The following MDGA2 variants were observed in gnomAD, a reference collection of about 807,000 sequenced individuals.
The protein encoded by MDGA2 is MAM domain containing glycosylphosphatidylinositol anchor 2.
A neutral mutation model predicts 117.8 loss-of-function variants in MDGA2; 40 were observed. That is an observed-to-expected ratio of 0.34 (90% CI 0.26 to 0.44). MDGA2 has a LOEUF of 0.44. Ranked by LOEUF, MDGA2 falls within the 20% of genes least tolerant of loss-of-function variation. The pLI is 1.00. For missense variants in MDGA2, 1,123 were observed against 1,250.6 expected, an observed-to-expected ratio of 0.90 and a Z score of 1.54; for synonymous variants, 452 against 439.0, an observed-to-expected ratio of 1.03 and a Z score of -0.37.
At chr14:46,906,547 C>T (rs1883500420) in intron 10 of MDGA2, among the ~76,000 whole-genome samples, 1 of 152,052 alleles carries the variant, frequency 6.6e-6, no homozygotes. Flanking sequence ...GATGATTATG[C>T]ACAAGTTCTG....
At chr14:47,463,860 C>T (rs1325918906) in intron 1 of MDGA2, among the ~76,000 whole-genome samples, 2 of 151,936 alleles carry the variant, frequency 1.3e-5, no homozygotes, top group African/African-American at 4.8e-5. Context: ...AAAGGTTCTT[C>T]TGATTACTCC....
At chr14:47,438,835 C>CA (rs986227854) in intron 1 of MDGA2, among the ~76,000 whole-genome samples, 1 of 151,610 alleles carries the variant, frequency 6.6e-6, no homozygotes, top group African/African-American at 2.4e-5. Flanking sequence ...GGATAAGAAA[C>CA]AAAAAAAAGT....
intron 3 of MDGA2, among the ~76,000 whole-genome samples, chr14:47,169,042 AATTT>A (rs1431103929): frequency 6.6e-6 from 1 of 152,046 alleles, no homozygotes; most frequent in East Asian, 1.9e-4. Flanking sequence ...AAATTTAATT[AATTT>A]ATTTATTTAG....
chr14:47,164,563 C>T (rs977746975), intron 3 of MDGA2, among the ~76,000 whole-genome samples: 1 of 152,188 alleles, frequency 6.6e-6, no homozygotes, highest in Non-Finnish European at 1.5e-5. Context: ...TACCATCTCA[C>T]ACCAGTTAGA....
chr14:47,545,106 A>G (rs1386262380), intron 1 of MDGA2, among the ~76,000 whole-genome samples: 1 of 152,216 alleles, frequency 6.6e-6, no homozygotes, highest in Non-Finnish European at 1.5e-5. Flanking sequence ...GCCTTCTATT[A>G]GTATTGTGAA....
At chr14:47,058,701 C>T in intron 7 of MDGA2, 4 of 985,290 alleles carry the variant, frequency 4.1e-6, no homozygotes, top group Non-Finnish European at 4.8e-6. Context: ...TAGTATTCCA[C>T]TCTATTGTAA....
chr14:47,528,727 T>C (rs1213945302), intron 1 of MDGA2, among the ~76,000 whole-genome samples: 4 of 152,218 alleles, frequency 2.6e-5, no homozygotes, highest in East Asian at 1.9e-4. Flanking sequence ...TTAGTTTTTT[T>C]AGACCAAATT....
chr14:47,217,154 G>A (rs1384194238), intron 3 of MDGA2, among the ~76,000 whole-genome samples: 1 of 151,950 alleles, frequency 6.6e-6, no homozygotes, highest in Non-Finnish European at 1.5e-5. Flanking sequence ...ATCCTGCAAT[G>A]AAAGAAAAGA....
intron 1 of MDGA2, among the ~76,000 whole-genome samples, chr14:47,409,197 C>T (rs1892321582): frequency 6.6e-6 from 1 of 152,182 alleles, no homozygotes; most frequent in Non-Finnish European, 1.5e-5. Flanking sequence ...GCCAATGTGG[C>T]TGCTGTATTG....
chr14:46,847,322 A>G (rs73250859), intron 15 of MDGA2, among the ~76,000 whole-genome samples: 5,547 of 152,222 alleles, frequency 0.036, 349 homozygotes, highest in African/African-American at 0.13. Flanking sequence ...TAAGATAAGC[A>G]TGTTCTTAAA....
chr14:46,922,623 C>A (rs1884176312), intron 9 of MDGA2, among the ~76,000 whole-genome samples: 1 of 152,164 alleles, frequency 6.6e-6, no homozygotes, highest in South Asian at 2.1e-4. Context: ...GACCAGGAAT[C>A]CAGACATTCT....
chr14:47,144,126 C>T lies in MDGA2; in HGVS notation c.744G>A (p.Leu248=). Residue 248 remains leucine (L), a synonymous_variant, in exon 4 of 17, where the codon CTG becomes CTA. Coordinates refer to ENST00000399232, the MANE Select transcript of MDGA2 (RefSeq NM_001113498.3). Reference sequence around the variant, plus strand: ...TCTCAACTCCTTTATCAGATCCTTGCAGCAAGACCTCCTGGCCACGTCTCC... The same window carrying T: ...TCTCAACTCCTTTATCAGATCCTTGTAGCAAGACCTCCTGGCCACGTCTCC... ...YSWRRGQEVL[L]QGSDKGVEIY... is the part of the protein sequence containing the mutation. 1.3e-6 allele frequency: 2 copies of T among 1,551,086 alleles called. No homozygotes were observed. Among genetic ancestry groups the T allele is most frequent in the African/African-American group, 1.4e-5 (1 of 73,116 alleles).
Position 47,540,540 on chromosome 14 carries a change from G to GTGTA in MDGA2, c.280+133976_280+133977insTACA. On this transcript the variant is annotated intron_variant, in intron 1 of 16. Transcript: ENST00000399232. ...TGTATATGTGTGTGTGTGTGTGTGT[G>GTGTA]TATATATATATATGTATATATATAC... 4.8e-4 allele frequency among the ~76,000 whole-genome samples: 38 copies of GTGTA among 79,216 alleles called. 1 individual carries two copies. Among genetic ancestry groups the GTGTA allele is most frequent in the Middle Eastern group, 6.3e-3 (1 of 160 alleles). The allele number at this position is 79,216 out of a possible 152,430, so 52.0% of individuals were successfully genotyped here.
intron 8 of MDGA2, among the ~76,000 whole-genome samples, chr14:46,966,527 TA>T (rs1405425755): frequency 6.6e-6 from 1 of 152,186 alleles, no homozygotes; most frequent in Non-Finnish European, 1.5e-5. Flanking sequence ...ACAACAAAAC[TA>T]CTAATTTAAA....
intron 10 of MDGA2, among the ~76,000 whole-genome samples, chr14:46,902,703 A>G (rs1595033421): frequency 1.3e-5 from 2 of 152,196 alleles, no homozygotes. Context: ...ATATATGGCC[A>G]TGATATTTTC....
At chr14:46,968,700 G>A (rs1886135168) in intron 8 of MDGA2, among the ~76,000 whole-genome samples, 1 of 151,570 alleles carries the variant, frequency 6.6e-6, no homozygotes, top group Non-Finnish European at 1.5e-5. Flanking sequence ...AGTTGGGTAT[G>A]GTGGTGTGTG....
At chr14:47,580,112 G>T (rs76080116) in intron 1 of MDGA2, among the ~76,000 whole-genome samples, 54 of 152,056 alleles carry the variant, frequency 3.6e-4, no homozygotes, top group African/African-American at 1.1e-3. Context: ...ACTCTCCAAA[G>T]CTCAAGTTTT....
At chr14:47,042,555 G>A (rs776901447) in intron 7 of MDGA2, among the ~76,000 whole-genome samples, 12 of 152,082 alleles carry the variant, frequency 7.9e-5, no homozygotes, top group Non-Finnish European at 1.6e-4. Flanking sequence ...TCTCTTCTTT[G>A]CTAGCACATT....
chr14:47,583,025 G>A lies in MDGA2; in HGVS notation c.280+91492C>T, dbSNP rs752999052. Among the ~76,000 whole-genome samples, 61 of 151,868 alleles carry A rather than the reference G, an allele frequency of 4.0e-4. No individual in the cohort carries two copies. In the Middle Eastern group the frequency reaches 0.01, roughly 25 times the overall value. On this transcript the variant is annotated intron_variant, in intron 1 of 16. Coordinates refer to ENST00000399232, the MANE Select transcript of MDGA2 (RefSeq NM_001113498.3). ...AAAAGCTTAAGATATTTCTTCTAAA[G>A]ACAATCCAAATTATGATTTTGATTC...
Sources: gnomAD v4.1 joint callset for allele counts (sites outside exome capture counted in the v4.1 genomes callset) on GRCh38, gnomAD v4.1.1 for gene constraint, MANE v1.5 for transcripts, NCBI Gene and HGNC (gene_info 2026-07-23, HGNC 2026-07-21) for gene names.